ROBO2: variants seen among roughly 807,000 people sequenced by gnomAD.
The protein encoded by ROBO2 is roundabout homolog 2.
ROBO2 carries 53 observed loss-of-function variants against 160.8 expected under a neutral mutation model. The ratio of observed to expected loss-of-function variants is 0.33; its 90% CI spans 0.26 to 0.41. The LOEUF is 0.41. ROBO2 is among the 10% of genes least tolerant of loss of function. ROBO2 has a pLI of 1.00. For synonymous variants in ROBO2, 664 were observed against 611.7 expected (o/e 1.09, Z -1.26); for missense variants, 1,577 against 1,722.4 (o/e 0.92, Z 1.49).
chr3:76,660,530 A>G (rs1278025209), intron 2 of ROBO2, among the ~76,000 whole-genome samples: 2 of 151,984 alleles, frequency 1.3e-5, no homozygotes, highest in East Asian at 3.9e-4. Context: ...AGTGGTTTTC[A>G]AGGGCATGAT....
intron 2 of ROBO2, among the ~76,000 whole-genome samples, chr3:76,354,405 A>C (rs914235862): frequency 1.8e-4 from 28 of 151,948 alleles, no homozygotes; most frequent in African/African-American, 6.7e-4. Flanking sequence ...TAACAAAATA[A>C]ATCTCTTTTG....
intron 1 of ROBO2, among the ~76,000 whole-genome samples, chr3:77,075,624 T>TA (rs944097696): frequency 2.2e-4 from 33 of 151,830 alleles, no homozygotes; most frequent in South Asian, 1.7e-3. Flanking sequence ...GCTATTTTTT[T>TA]ATATAGGAGG....
intron 2 of ROBO2, among the ~76,000 whole-genome samples, chr3:76,339,852 C>A (rs1445916900): frequency 2.0e-5 from 3 of 151,962 alleles, no homozygotes; most frequent in South Asian, 2.1e-4. Context: ...AAATTAAAAT[C>A]TTGTAATGTT....
rs931556007 is a variant in ROBO2 at position 76,384,837 on chromosome 3, G to A, written c.109+447235G>A. 1.2e-4 allele frequency among the ~76,000 whole-genome samples: 18 copies of A among 152,212 alleles called. 1 individual carries two copies. Among genetic ancestry groups the A allele is most frequent in the Admixed American group, 7.2e-4 (11 of 15,288 alleles). Reference sequence around the variant, plus strand: ...TGACCTCCAACCTGATTCCTCCCACGACACGTGAGGATTAGGGGAACTACA... The same window carrying A: ...TGACCTCCAACCTGATTCCTCCCACAACACGTGAGGATTAGGGGAACTACA... On this transcript the variant is annotated intron_variant, in intron 2 of 26. Transcript: ENST00000487694.
chr3:77,152,582 T>C (rs2077640285), intron 2 of ROBO2, among the ~76,000 whole-genome samples: 1 of 152,200 alleles, frequency 6.6e-6, no homozygotes, highest in African/African-American at 2.4e-5. Context: ...TGTGAGTATG[T>C]TCGTTGTATC....
At chr3:77,046,128 T>C (rs919661721) in intron 1 of ROBO2, among the ~76,000 whole-genome samples, 4 of 152,176 alleles carry the variant, frequency 2.6e-5, no homozygotes, top group Non-Finnish European at 5.9e-5. Context: ...AAATGCTGGG[T>C]TGTATGTTTA....
At chr3:76,913,004 G>C (rs2076085125) in intron 2 of ROBO2, among the ~76,000 whole-genome samples, 1 of 151,992 alleles carries the variant, frequency 6.6e-6, no homozygotes, top group Admixed American at 6.6e-5. Context: ...GATAACTTCT[G>C]AGTAACTCAA....
At chr3:76,743,535 T>C (rs1343788115) in intron 2 of ROBO2, among the ~76,000 whole-genome samples, 3 of 152,092 alleles carry the variant, frequency 2.0e-5, no homozygotes, top group Non-Finnish European at 2.9e-5. Context: ...TATAGACATA[T>C]TTTTAAAAGT....
intron 2 of ROBO2, among the ~76,000 whole-genome samples, chr3:76,161,899 T>C (rs2072653622): frequency 6.6e-6 from 1 of 152,188 alleles, no homozygotes; most frequent in South Asian, 2.1e-4. Context: ...CATTTGAGCA[T>C]GTTAAATGAA....
At chr3:77,035,882 G>A (rs1037220934), upstream of ROBO2, among the ~76,000 whole-genome samples, 2 of 151,864 alleles carry the variant, frequency 1.3e-5, no homozygotes, top group Admixed American at 6.6e-5. Flanking sequence ...CATTTAATGT[G>A]ATGTTTCTGT....
chr3:76,460,026 A>C (rs1344557061), intron 2 of ROBO2, among the ~76,000 whole-genome samples: 3 of 152,144 alleles, frequency 2.0e-5, no homozygotes. Flanking sequence ...TAGAAAAGAT[A>C]TCTTTATTTT....
At chr3:77,065,830 A>C (rs2066783192) in intron 1 of ROBO2, among the ~76,000 whole-genome samples, 1 of 152,116 alleles carries the variant, frequency 6.6e-6, no homozygotes, top group Non-Finnish European at 1.5e-5. Flanking sequence ...GTCAGAGTTC[A>C]AATTAAGCCT....
At position 76,963,362 on chromosome 3, in the gene ROBO2, T is replaced by G. The variant is rs186669738; in HGVS notation, c.110-134652T>G. Among the ~76,000 whole-genome samples the G allele has an allele frequency of 5.3e-5, 8 of 152,270 alleles. No individual in the cohort carries two copies. The East Asian group carries it at 5.8e-4, about 11-fold the overall frequency. On this transcript the variant is annotated intron_variant, in intron 2 of 26. Coordinates refer to the ROBO2 transcript ENST00000487694. ...ATAGAAAATAATACAGAAATAATTT[T>G]AAATGAAAATCTTAGAAAGCATGCA...
At chr3:76,839,692 A>G (rs1029963406) in intron 2 of ROBO2, among the ~76,000 whole-genome samples, 1 of 152,172 alleles carries the variant, frequency 6.6e-6, no homozygotes, top group Admixed American at 6.5e-5. Flanking sequence ...GAATGAGTTT[A>G]GGAACATTAT....
chr3:76,040,993 A>G (rs1435975987), intron 2 of ROBO2, among the ~76,000 whole-genome samples: 1 of 152,050 alleles, frequency 6.6e-6, no homozygotes, highest in Non-Finnish European at 1.5e-5. Context: ...TATCTCAAAA[A>G]ACAAAATGAA....
chr3:76,998,478 A>G (rs1374366718), intron 2 of ROBO2, among the ~76,000 whole-genome samples: 1 of 152,156 alleles, frequency 6.6e-6, no homozygotes, highest in Non-Finnish European at 1.5e-5. Context: ...ATTTCAAGAA[A>G]CTTCCACATA....
At chr3:76,403,751 C>G (rs2077981428) in intron 2 of ROBO2, among the ~76,000 whole-genome samples, 1 of 151,548 alleles carries the variant, frequency 6.6e-6, no homozygotes, top group Non-Finnish European at 1.5e-5. Context: ...GTGACTCATT[C>G]TAATGTTTGA....
intron 2 of ROBO2, among the ~76,000 whole-genome samples, chr3:77,418,736 A>G (rs1433638674): frequency 6.6e-6 from 1 of 152,144 alleles, no homozygotes; most frequent in African/African-American, 2.4e-5. Flanking sequence ...CATTTAAAGT[A>G]CAGTACAAGA....
exon 2 of ROBO2, chr3:75,937,546 G>T: frequency 6.3e-7 from 1 of 1,577,306 alleles, no homozygotes. Flanking sequence ...TGGGCTCCGG[G>T]ACTGTTGATG....
Sources: allele counts gnomAD v4.1 joint callset (sites outside exome capture counted in the v4.1 genomes callset), GRCh38; gene constraint gnomAD v4.1.1; transcripts MANE v1.5; gene names NCBI Gene and HGNC (gene_info 2026-07-23, HGNC 2026-07-21).